The following RASGRF2 variants were observed in gnomAD, a reference collection of about 807,000 sequenced individuals.
The protein encoded by RASGRF2 is ras-specific guanine nucleotide-releasing factor 2.
In RASGRF2, 76 loss-of-function variants were observed where a neutral mutation model predicts 151.0. That is an observed-to-expected ratio of 0.50 (90% confidence interval 0.42 to 0.61). The LOEUF is 0.61. RASGRF2 is among the 20% of genes least tolerant of loss of function. The pLI, the probability that RASGRF2 is intolerant of heterozygous loss-of-function variation, is 0.00. For synonymous variants in RASGRF2, 504 were observed against 566.5 expected, an observed-to-expected ratio of 0.89 and a Z score of 1.57; for missense variants, 1,148 against 1,564.6, an observed-to-expected ratio of 0.73 and a Z score of 4.49.
chr5:81,080,447 A>C, intron 6 of RASGRF2, 149 bp from the exon 7 acceptor site: 1 of 1,039,394 alleles, frequency 9.6e-7, no homozygotes, highest in Non-Finnish European at 1.4e-6. Context: ...CCATGAGTGC[A>C]TTCTACCAGA....
intron 1 of RASGRF2, among the ~76,000 whole-genome samples, chr5:81,007,117 G>C (rs1749296285): frequency 6.6e-6 from 1 of 152,178 alleles, no homozygotes; most frequent in Non-Finnish European, 1.5e-5. Flanking sequence ...ATTTATAAAT[G>C]TGTATATGCC....
At chr5:81,194,661 A>T (rs1755222704) in intron 18 of RASGRF2, among the ~76,000 whole-genome samples, 1 of 152,080 alleles carries the variant, frequency 6.6e-6, no homozygotes, top group African/African-American at 2.4e-5. Flanking sequence ...TCCTGGCCAG[A>T]ACTACCCGCT....
rs956103091 is a variant in RASGRF2 at position 81,229,917 on chromosome 5, A to C, written c.*4147A>C. The C allele has an allele frequency of 6.6e-6, 1 of 152,274 alleles. No individual in the cohort carries two copies. The highest frequency in any genetic ancestry group is 6.5e-5 in the Admixed American group (1 of 15,290). The allele number at this position is 152,274 out of a possible 1,614,324, so 9.4% of individuals were successfully genotyped here. A position where few individuals can be genotyped will look rare whatever the true frequency, so the allele number is the denominator to read the frequency against. Reference sequence around the variant, plus strand: ...CAAAGTGCTGTCCGCACATGAGGTCATCTGATTACTGTCCTCAGATCTCTT... The same window carrying C: ...CAAAGTGCTGTCCGCACATGAGGTCCTCTGATTACTGTCCTCAGATCTCTT... On this transcript the variant is annotated 3_prime_UTR_variant, in exon 27 of 27. Coordinates refer to ENST00000265080, the MANE Select transcript of RASGRF2 (RefSeq NM_006909.3).
At chr5:81,128,480 G>A (rs1374905997) in intron 17 of RASGRF2, among the ~76,000 whole-genome samples, 1 of 152,210 alleles carries the variant, frequency 6.6e-6, no homozygotes, top group East Asian at 1.9e-4. Context: ...ACAGCTCTGA[G>A]AAACTCTTTA....
intron 2 of RASGRF2, among the ~76,000 whole-genome samples, chr5:81,043,285 G>A (rs1750736298): frequency 6.6e-6 from 1 of 152,074 alleles, no homozygotes; most frequent in Non-Finnish European, 1.5e-5. Flanking sequence ...TGAATGTATT[G>A]ACTCACTCTG....
chr5:81,015,257 T>C (rs1490589345), intron 1 of RASGRF2, among the ~76,000 whole-genome samples: 1 of 152,202 alleles, frequency 6.6e-6, no homozygotes, highest in African/African-American at 2.4e-5. Flanking sequence ...AGTAGAATGA[T>C]TTATAATCCT....
intron 19 of RASGRF2, among the ~76,000 whole-genome samples, chr5:81,205,962 G>A (rs1021143969): frequency 1.3e-5 from 2 of 152,104 alleles, no homozygotes; most frequent in African/African-American, 2.4e-5. Flanking sequence ...TGTTAGCCAG[G>A]ATGGTCTCGA....
intron 1 of RASGRF2, among the ~76,000 whole-genome samples, chr5:81,008,987 T>C (rs936615405): frequency 1.3e-5 from 2 of 152,238 alleles, no homozygotes; most frequent in Non-Finnish European, 2.9e-5. Context: ...ACTCATGATC[T>C]GGTTGGCTTT....
At position 81,080,790 on chromosome 5, in the gene RASGRF2, G is replaced by A; in HGVS notation, c.1161+1G>A. 6.2e-7 allele frequency: 1 copy of A among 1,612,034 alleles called. No individual in the cohort carries two copies. Among genetic ancestry groups the A allele is most frequent in the Non-Finnish European group, 8.5e-7 (1 of 1,178,672 alleles). On this transcript the variant is annotated splice_donor_variant, in intron 7 of 26. Transcript: ENST00000265080. LOFTEE classifies it high-confidence loss of function. The stretch of plus-strand genomic sequence containing the variant: ...ATTCTTGACCTATCCCATGTTTCAG[G>A]TAAGTCACTTGGGATGCATTTTGTA...
At chr5:81,094,752 G>A (rs543812200) in intron 11 of RASGRF2, 104 bp from the exon 12 acceptor site, 173 of 1,281,954 alleles carry the variant, frequency 1.3e-4, no homozygotes, top group Non-Finnish European at 1.6e-4. Flanking sequence ...TGAGAGTCCC[G>A]ATTTGAGTGC....
At position 81,042,911 on chromosome 5, in the gene RASGRF2, A is replaced by G; in HGVS notation, c.323A>G (p.Gln108Arg). 1 of 1,612,886 alleles carries G rather than the reference A, an allele frequency of 6.2e-7. No individual in the cohort carries two copies. Among genetic ancestry groups the G allele is most frequent in the Non-Finnish European group, 8.5e-7 (1 of 1,179,634 alleles). Residue 108 changes from glutamine (Q) to arginine (R), a missense_variant, in exon 2 of 27, where the codon CAG (glutamine) becomes CGG (arginine). Coordinates refer to ENST00000265080, the MANE Select transcript of RASGRF2 (RefSeq NM_006909.3). ...ACTGTTCTTTTTGGCCATGAAGGTC[A>G]GAAGCCACTGGAGCTGCGCTGTGAG... Reference protein sequence around the residue: ...YFTVLFGHEGQKPLELRCEEE... With the variant: ...YFTVLFGHEGRKPLELRCEEE...
chr5:81,040,694 C>G (rs1750651556), intron 1 of RASGRF2, among the ~76,000 whole-genome samples: 1 of 152,302 alleles, frequency 6.6e-6, no homozygotes, highest in South Asian at 2.1e-4. Flanking sequence ...TTTGCTATGG[C>G]TTTGCCTCTC....
intron 1 of RASGRF2, among the ~76,000 whole-genome samples, chr5:81,037,466 G>A (rs1360282360): frequency 1.3e-5 from 2 of 151,942 alleles, no homozygotes; most frequent in Non-Finnish European, 2.9e-5. Context: ...TCTCTCTCTG[G>A]AAGATTGTAG....
chr5:81,137,240 G>T (rs1753775665), intron 17 of RASGRF2, among the ~76,000 whole-genome samples: 1 of 152,170 alleles, frequency 6.6e-6, no homozygotes, highest in Admixed American at 6.5e-5. Context: ...TGTGTTAGAT[G>T]ATTTTGCCCA....
chr5:81,099,010 T>C (rs1028718373), intron 12 of RASGRF2, among the ~76,000 whole-genome samples: 4 of 152,192 alleles, frequency 2.6e-5, no homozygotes, highest in Non-Finnish European at 5.9e-5. Context: ...CAAAATACCT[T>C]CCACAGATAA....
intron 9 of RASGRF2, 62 bp downstream of exon 9, chr5:81,087,015 C>A: frequency 6.9e-7 from 1 of 1,446,514 alleles, no homozygotes; most frequent in Non-Finnish European, 9.7e-7. Flanking sequence ...ATGATCTCGG[C>A]ACACCCCGGA....
At chr5:81,142,287 A>G (rs573245992) in intron 17 of RASGRF2, among the ~76,000 whole-genome samples, 228 of 152,266 alleles carry the variant, frequency 1.5e-3, no homozygotes, top group Non-Finnish European at 2.4e-3. Flanking sequence ...AGCAGTCCAG[A>G]AGAGAGATGT....
At chr5:81,154,609 G>A (rs192531122) in intron 17 of RASGRF2, among the ~76,000 whole-genome samples, 1 of 152,232 alleles carries the variant, frequency 6.6e-6, no homozygotes, top group African/African-American at 2.4e-5. Flanking sequence ...AGTCTTACTA[G>A]ATTTTAAAAG....
At chr5:80,985,749 C>T (rs1748453713) in intron 1 of RASGRF2, among the ~76,000 whole-genome samples, 1 of 152,072 alleles carries the variant, frequency 6.6e-6, no homozygotes, top group South Asian at 2.1e-4. Context: ...AGTGACCCAG[C>T]ACAGGAAGGA....
Sources: allele counts gnomAD v4.1 joint callset (sites outside exome capture counted in the v4.1 genomes callset), GRCh38; gene constraint gnomAD v4.1.1; transcripts MANE v1.5; gene names NCBI Gene and HGNC (gene_info 2026-07-23, HGNC 2026-07-21).